The following KCTD2 variants were observed in gnomAD, a reference collection of about 807,000 sequenced individuals.
The protein encoded by KCTD2 is potassium channel tetramerization domain containing 2.
Under a neutral mutation model 27.9 loss-of-function variants are expected in KCTD2, and 18 were observed. The observed-to-expected ratio is 0.64, with a 90% CI of 0.45 to 0.96. The LOEUF (loss-of-function observed/expected upper bound fraction) is 0.96, where lower values mean the gene tolerates loss of function less well. KCTD2 is among the 40% of genes least tolerant of loss of function. The pLI, the probability that KCTD2 is intolerant of heterozygous loss-of-function variation, is 0.00. For missense variants in KCTD2, 280 were observed against 348.0 expected, an observed-to-expected ratio of 0.80 and a Z score of 1.56; for synonymous variants, 175 against 148.4, an observed-to-expected ratio of 1.18 and a Z score of -1.30.
chr17:75,045,004 C>T (rs554407936), upstream of KCTD2, among the ~76,000 whole-genome samples: 13 of 152,126 alleles, frequency 8.5e-5, no homozygotes, highest in East Asian at 5.8e-4. Context: ...ATCAGTGTAT[C>T]GGGGAACTTG....
intron 2 of KCTD2, among the ~76,000 whole-genome samples, chr17:75,034,995 A>G (rs2040099895): frequency 6.6e-6 from 1 of 151,996 alleles, no homozygotes. Flanking sequence ...GGCTGGGGCC[A>G]GAGGAAGGGT....
At chr17:75,035,141 T>A (rs2040102835) in intron 2 of KCTD2, 1 of 152,102 alleles carries the variant, frequency 6.6e-6, no homozygotes, top group African/African-American at 2.4e-5. Flanking sequence ...ATAAGGCGTC[T>A]GACTTCGGAT....
upstream of KCTD2, among the ~76,000 whole-genome samples, chr17:75,045,855 A>G (rs1294961290): frequency 6.6e-6 from 1 of 152,250 alleles, no homozygotes; most frequent in Non-Finnish European, 1.5e-5. Flanking sequence ...AAATCAGAAG[A>G]GTATTGACTG....
intron 3 of KCTD2, chr17:75,041,744 G>C (rs1488167374): frequency 6.5e-6 from 1 of 154,246 alleles, no homozygotes; most frequent in African/African-American, 2.4e-5. Flanking sequence ...AGCCCCCTGG[G>C]GCGTGGTGGC....
intron 4 of KCTD2, chr17:75,060,472 C>G (rs2073393055): frequency 5.6e-6 from 9 of 1,611,418 alleles, no homozygotes; most frequent in Non-Finnish European, 7.6e-6. Context: ...GTGATACTTT[C>G]AGAAACCAGG....
chr17:75,035,051 C>A (rs543438416), intron 2 of KCTD2, among the ~76,000 whole-genome samples: 17 of 152,208 alleles, frequency 1.1e-4, no homozygotes, highest in Non-Finnish European at 2.1e-4. Flanking sequence ...AGTGAAGCTG[C>A]GGCACGCCGG....
At chr17:75,052,975 C>G (rs370502067) in intron 2 of KCTD2, 39 bp from the exon 3 acceptor site, 11 of 1,487,908 alleles carry the variant, frequency 7.4e-6, no homozygotes, top group South Asian at 4.5e-5. Context: ...TCTGGCAAAC[C>G]CTCGCACCTA....
At chr17:75,062,699 A>ACC (rs1555642380) in intron 5 of KCTD2, among the ~76,000 whole-genome samples, 1 of 115,990 alleles carries the variant, frequency 8.6e-6, no homozygotes. Context: ...CCTCACCCCC[A>ACC]ACACACACAC....
chr17:75,032,704 G>A lies in KCTD2; in HGVS notation c.-490G>A, dbSNP rs1296410074. On this transcript the variant is annotated 5_prime_UTR_variant, in exon 1 of 8. Coordinates refer to the KCTD2 transcript ENST00000581589. This position sits in a 1 kb window ranked among gnomAD's most constrained non-coding sequence, Gnocchi z 4.8. The stretch of plus-strand genomic sequence containing the variant: ...AGGGAGACAAGAGGACCCTGGGGAC[G>A]AATAGGAACAGCTGAGCAAGGCAAG... 6 of 148,462 alleles carry A rather than the reference G, an allele frequency of 4.0e-5. No individual in the cohort carries two copies. The highest frequency in any genetic ancestry group is 1.5e-4 in the African/African-American group (6 of 40,802). The allele number at this position is 148,462 out of a possible 1,614,324, so 9.2% of individuals were successfully genotyped here.
At chr17:75,061,174 AGTTT>A (rs2073400797) in intron 4 of KCTD2, among the ~76,000 whole-genome samples, 1 of 152,110 alleles carries the variant, frequency 6.6e-6, no homozygotes, top group Non-Finnish European at 1.5e-5. Context: ...TGGATGAGGA[AGTTT>A]GTTTCAGACA....
chr17:75,057,914 G>A (rs2073365491), intron 3 of KCTD2, among the ~76,000 whole-genome samples: 1 of 151,864 alleles, frequency 6.6e-6, no homozygotes, highest in African/African-American at 2.4e-5. Flanking sequence ...AGCATTGTCG[G>A]CCGGACACAG....
At chr17:75,056,341 A>C (rs1449965848) in intron 3 of KCTD2, among the ~76,000 whole-genome samples, 1 of 152,246 alleles carries the variant, frequency 6.6e-6, no homozygotes, top group Non-Finnish European at 1.5e-5. Context: ...ACATTTTGGT[A>C]ATCTAGCCTT....
At position 75,065,221 on chromosome 17, in the gene KCTD2, T is replaced by TTGG. The variant is rs2073445227; in HGVS notation, c.*2175_*2176insGGT. The TTGG allele has an allele frequency of 6.6e-6, 1 of 152,212 alleles. No individual in the cohort carries two copies. The highest frequency in any genetic ancestry group is 2.1e-4 in the South Asian group (1 of 4,828). 9.4% of individuals were successfully genotyped at this position (152,212 alleles called of 1,614,324 possible). On this transcript the variant is annotated 3_prime_UTR_variant, in exon 6 of 6. Transcript: ENST00000322444. ...TTTCCGCCCTCTCGGAGGGCTGGTG[T>TTGG]TCACCAAGTTTCCCTCCTCGCTGCA...
intron 3 of KCTD2, among the ~76,000 whole-genome samples, chr17:75,056,335 T>C (rs1198217760): frequency 1.3e-5 from 2 of 152,234 alleles, no homozygotes; most frequent in East Asian, 3.8e-4. Context: ...GTTTAGACAT[T>C]TTGGTAATCT....
intron 3 of KCTD2, chr17:75,041,321 C>T (rs2073157253): frequency 6.7e-6 from 1 of 148,384 alleles, no homozygotes; most frequent in Non-Finnish European, 1.5e-5. Flanking sequence ...CGCCACTGCA[C>T]TCCAACCTGA....
chr17:75,039,041 A>G (rs143541928), intron 3 of KCTD2: 9 of 1,613,942 alleles, frequency 5.6e-6, no homozygotes, highest in Non-Finnish European at 7.6e-6. Flanking sequence ...ATCAAATGGA[A>G]TTAAGTTCTT....
At chr17:75,061,864 G>GGA (rs146898601) in intron 4 of KCTD2, among the ~76,000 whole-genome samples, 1 of 143,206 alleles carries the variant, frequency 7.0e-6, no homozygotes, top group African/African-American at 2.5e-5. Flanking sequence ...TGCCGCTGAC[G>GGA]GGGGGGGACT....
In KCTD2 at chr17:75,063,108, T is replaced by C; in HGVS notation, c.*61T>C. The stretch of plus-strand genomic sequence containing the variant: ...CAGTCAGCAGAGCCCCTCTGTGAAG[T>C]GAAACCTCACTCCTGTCCAGTGACC... On this transcript the variant is annotated 3_prime_UTR_variant, in exon 6 of 6. Coordinates refer to ENST00000322444, the MANE Select transcript of KCTD2 (RefSeq NM_015353.3). 6.6e-7 allele frequency: 1 copy of C among 1,506,486 alleles called. No homozygotes were observed. The highest frequency in any genetic ancestry group is 9.2e-7 in the Non-Finnish European group (1 of 1,084,806). 93.3% of individuals were successfully genotyped at this position (1,506,486 alleles called of 1,614,324 possible).
intron 3 of KCTD2, among the ~76,000 whole-genome samples, chr17:75,035,559 G>A (rs2040108043): frequency 6.6e-6 from 1 of 151,376 alleles, no homozygotes. Context: ...AATGGCTCAC[G>A]CCTGTAATCC....
Sources: allele counts gnomAD v4.1 joint callset (sites outside exome capture counted in the v4.1 genomes callset), GRCh38; gene constraint gnomAD v4.1.1; non-coding constraint Gnocchi (gnomAD v3.1); transcripts MANE v1.5; gene names NCBI Gene and HGNC (gene_info 2026-07-23, HGNC 2026-07-21).